Variants in ASIC2 observed in about 807,000 individuals in gnomAD.
The protein encoded by ASIC2 is acid sensing ion channel subunit 2.
Under a neutral mutation model 57.3 loss-of-function variants are expected in ASIC2, and 25 were observed. That is an observed-to-expected ratio of 0.44 (90% CI 0.32 to 0.61). ASIC2 has a LOEUF of 0.61. ASIC2 is among the 20% of genes least tolerant of loss of function. The pLI is 0.06. For synonymous variants in ASIC2, 319 were observed against 307.5 expected, an observed-to-expected ratio of 1.04 and a Z score of -0.39; for missense variants, 641 against 738.1, an observed-to-expected ratio of 0.87 and a Z score of 1.52.
intron 1 of ASIC2, among the ~76,000 whole-genome samples, chr17:33,444,572 G>C (rs1315558772): frequency 6.6e-6 from 1 of 151,288 alleles, no homozygotes. Context: ...TTCATCCCAG[G>C]CTCCCTCCCC....
intron 1 of ASIC2, among the ~76,000 whole-genome samples, chr17:33,979,999 T>C (rs1905554374): frequency 6.6e-6 from 1 of 152,146 alleles, no homozygotes; most frequent in East Asian, 1.9e-4. Flanking sequence ...CCGAGTCACT[T>C]AGTATTCCTG....
intron 1 of ASIC2, among the ~76,000 whole-genome samples, chr17:33,394,021 G>A (rs1167453173): frequency 6.6e-6 from 1 of 152,138 alleles, no homozygotes; most frequent in Non-Finnish European, 1.5e-5. Flanking sequence ...TATTTGATAG[G>A]ATTAATGTGA....
intron 1 of ASIC2, among the ~76,000 whole-genome samples, chr17:33,670,021 G>T (rs1907595909): frequency 6.6e-6 from 1 of 152,174 alleles, no homozygotes. Flanking sequence ...AATGCCATGA[G>T]AATTAGGTAC....
chr17:33,222,512 G>A (rs1373694962), intron 1 of ASIC2, among the ~76,000 whole-genome samples: 1 of 152,194 alleles, frequency 6.6e-6, no homozygotes, highest in Non-Finnish European at 1.5e-5. Flanking sequence ...CCTTGTGTAT[G>A]TTACTACAAA....
chr17:34,067,115 G>A (rs1909201184), intron 1 of ASIC2, among the ~76,000 whole-genome samples: 1 of 152,192 alleles, frequency 6.6e-6, no homozygotes, highest in African/African-American at 2.4e-5. Flanking sequence ...TAAGCACATT[G>A]TGTCACATTT....
At chr17:34,091,406 G>A (rs956514220) in intron 1 of ASIC2, among the ~76,000 whole-genome samples, 17 of 152,336 alleles carry the variant, frequency 1.1e-4, no homozygotes, top group African/African-American at 4.1e-4. Flanking sequence ...TTGAGGCAGG[G>A]GGCCTGTAGG....
chr17:33,948,585 G>A (rs929412965), intron 1 of ASIC2, among the ~76,000 whole-genome samples: 5 of 152,200 alleles, frequency 3.3e-5, no homozygotes, highest in Admixed American at 2.0e-4. Flanking sequence ...CAAACACTAA[G>A]TCTGCACTAC....
chr17:33,055,217 A>T (rs1288741380), intron 3 of ASIC2, among the ~76,000 whole-genome samples: 1 of 152,182 alleles, frequency 6.6e-6, no homozygotes. Flanking sequence ...CTGGCCTGGG[A>T]TATGTCCGAT....
chr17:33,516,104 C>CCAAAACAAAA (rs111917283), intron 1 of ASIC2, among the ~76,000 whole-genome samples: 2,172 of 144,630 alleles, frequency 0.015, 20 homozygotes, highest in East Asian at 0.029. Context: ...GATTCTGTCT[C>CCAAAACAAAA]CAAAACAAAA....
At chr17:33,429,096 T>C (rs560774980) in intron 1 of ASIC2, among the ~76,000 whole-genome samples, 3 of 152,280 alleles carry the variant, frequency 2.0e-5, no homozygotes, top group Admixed American at 2.0e-4. Context: ...CAGGGTAAGG[T>C]GTCTGGTCTC....
intron 1 of ASIC2, among the ~76,000 whole-genome samples, chr17:33,261,816 C>T (rs1251800127): frequency 9.9e-4 from 15 of 15,218 alleles, no homozygotes; most frequent in Non-Finnish European, 1.6e-3. Context: ...CTAGTCACGA[C>T]GAGGTGAACG....
chr17:33,340,027 A>G (rs371304250), intron 1 of ASIC2, among the ~76,000 whole-genome samples: 3 of 152,214 alleles, frequency 2.0e-5, no homozygotes, highest in Admixed American at 6.5e-5. Context: ...CTAAGTGGGC[A>G]AGGATGGCTG....
chr17:33,527,621 C>T (rs1377603352), intron 1 of ASIC2, among the ~76,000 whole-genome samples: 3 of 152,160 alleles, frequency 2.0e-5, no homozygotes, highest in East Asian at 3.8e-4. Context: ...TCATCGTGAA[C>T]AATGGGAATA....
At chr17:33,075,385 A>G (rs1163918421) in intron 3 of ASIC2, among the ~76,000 whole-genome samples, 2 of 152,166 alleles carry the variant, frequency 1.3e-5, no homozygotes, top group Admixed American at 6.5e-5. Flanking sequence ...GCAGTGAGAA[A>G]TGGACTAATA....
At chr17:33,801,172 T>A (rs76449931) in intron 1 of ASIC2, among the ~76,000 whole-genome samples, 17,734 of 152,060 alleles carry the variant, frequency 0.12, 1,187 homozygotes, top group Non-Finnish European at 0.14. Flanking sequence ...ACACCTCTGG[T>A]GAAGAAAGGA....
intron 1 of ASIC2, among the ~76,000 whole-genome samples, chr17:34,009,252 C>T (rs1906632462): frequency 6.6e-6 from 1 of 152,114 alleles, no homozygotes; most frequent in Non-Finnish European, 1.5e-5. Context: ...GCCCTCAGCT[C>T]AGCATCATCT....
chr17:33,650,864 G>C (rs559282406), intron 1 of ASIC2, among the ~76,000 whole-genome samples: 8 of 152,286 alleles, frequency 5.3e-5, no homozygotes, highest in African/African-American at 1.9e-4. Flanking sequence ...GGCTATAAAA[G>C]GGTAACATGA....
intron 1 of ASIC2, among the ~76,000 whole-genome samples, chr17:33,699,309 T>C (rs1908625060): frequency 6.6e-6 from 1 of 152,160 alleles, no homozygotes; most frequent in Non-Finnish European, 1.5e-5. Flanking sequence ...TGGCTCCTGC[T>C]GACACTGCTC....
At chr17:33,403,398 A>G (rs534766595) in intron 1 of ASIC2, among the ~76,000 whole-genome samples, 27 of 152,306 alleles carry the variant, frequency 1.8e-4, no homozygotes, top group African/African-American at 5.5e-4. Context: ...TCTCTTCTCC[A>G]TCAGTTGTCT....
Sources: allele counts gnomAD v4.1 joint callset (sites outside exome capture counted in the v4.1 genomes callset), GRCh38; gene constraint gnomAD v4.1.1; transcripts MANE v1.5; gene names NCBI Gene and HGNC (gene_info 2026-07-23, HGNC 2026-07-21).